The following CAST variants were observed in gnomAD, a reference collection of about 807,000 sequenced individuals.
The protein encoded by CAST is calpastatin, also known as MIR583 host.
Under a neutral mutation model 119.6 loss-of-function variants are expected in CAST, and 76 were observed. The ratio of observed to expected loss-of-function variants is 0.64; its 90% CI spans 0.53 to 0.77. CAST has a LOEUF of 0.77. Ranked by LOEUF, CAST falls within the 30% of genes least tolerant of loss-of-function variation. The pLI is 0.00. For synonymous variants in CAST, 319 were observed against 331.6 expected (o/e 0.96, Z 0.41); for missense variants, 953 against 946.5 (o/e 1.01, Z -0.09).
At chr5:96,408,368 G>A in the CAST span, 3 of 1,385,438 alleles carry the variant, frequency 2.2e-6, no homozygotes, top group African/African-American at 4.3e-5. Context: ...GAACACGTGA[G>A]GAGTGTGGGC....
At chr5:96,546,180 T>TG (rs985236246) in intron 1 of CAST, 1 of 152,282 alleles carries the variant, frequency 6.6e-6, no homozygotes, top group African/African-American at 2.4e-5. Context: ...GCCAACATAA[T>TG]GTGCAGACCC....
chr5:96,757,596 A>T lies in CAST; in HGVS notation c.1775A>T (p.Asp592Val). 6.2e-7 allele frequency: 1 copy of T among 1,613,378 alleles called. No individual in the cohort carries two copies. The highest frequency in any genetic ancestry group is 8.5e-7 in the Non-Finnish European group (1 of 1,179,754). ...TGGTTCTTGCAGCCCATGAGTGAAG[A>T]CTTCCTTCTGGATGCTTTGTCTGAG... ...SKEQLPPMSE[D>V]FLLDALSEDF... Residue 592 changes from aspartate (D) to valine (V), a missense_variant, in exon 24 of 32, where the codon GAC (aspartate) becomes GTC (valine). Physicochemically the swap from Asp to Val is radical, Grantham distance 152. Coordinates refer to ENST00000675179, the MANE Select transcript of CAST (RefSeq NM_001750.7).
chr5:95,997,963 GTTTTTTTTT>G, the CAST span, among the ~76,000 whole-genome samples: 3 of 93,656 alleles, frequency 3.2e-5, no homozygotes, highest in Non-Finnish European at 5.9e-5. Context: ...TTGAGAGAGG[GTTTTTTTTT>G]TTTTTTTTTT....
At chr5:96,718,109 G>A (rs1221182273) in intron 3 of CAST, among the ~76,000 whole-genome samples, 5 of 152,184 alleles carry the variant, frequency 3.3e-5, no homozygotes, top group African/African-American at 1.2e-4. Flanking sequence ...TTTCCTGAGA[G>A]CAGCTTCATG....
chr5:96,239,265 A>G, the CAST span, among the ~76,000 whole-genome samples: 1 of 152,166 alleles, frequency 6.6e-6, no homozygotes, highest in Non-Finnish European at 1.5e-5. Flanking sequence ...AGTACCTGGT[A>G]TAAAATAAGT....
the CAST span, among the ~76,000 whole-genome samples, chr5:96,034,400 T>A: frequency 1.2e-4 from 18 of 148,188 alleles, 1 homozygote; most frequent in South Asian, 3.9e-3. Flanking sequence ...AGTATGGAGG[T>A]TTCTCAAATT....
At chr5:96,621,515 C>G (rs1252656952) in intron 1 of CAST, among the ~76,000 whole-genome samples, 2 of 152,148 alleles carry the variant, frequency 1.3e-5, no homozygotes, top group Non-Finnish European at 2.9e-5. Flanking sequence ...CATATCGCAG[C>G]AGGAGAGAGA....
At chr5:96,681,720 G>A (rs1279128443) in intron 2 of CAST, among the ~76,000 whole-genome samples, 4 of 125,766 alleles carry the variant, frequency 3.2e-5, no homozygotes, top group Admixed American at 8.8e-5. Context: ...GCGACAGAGC[G>A]AGACTCCGTC....
intron 7 of CAST, 145 bp downstream of exon 7, chr5:96,729,354 A>G: frequency 4.8e-6 from 3 of 626,370 alleles, no homozygotes; most frequent in Non-Finnish European, 2.9e-6. Context: ...TCCTGTGGCA[A>G]TAGCAGTGTT....
chr5:96,397,420 A>G, the CAST span: 1 of 1,612,460 alleles, frequency 6.2e-7, no homozygotes. Flanking sequence ...TCTTAAAGCC[A>G]TTAGGAGATG....
At chr5:96,762,085 A>G (rs1768157102) in intron 24 of CAST, 189 bp from the exon 25 acceptor site, 1 of 413,076 alleles carries the variant, frequency 2.4e-6, no homozygotes, top group African/African-American at 2.1e-5. Context: ...GAAATAGCAA[A>G]TTGTATAAAA....
At chr5:96,408,297 G>A in the CAST span, 1 of 1,613,916 alleles carries the variant, frequency 6.2e-7, no homozygotes, top group African/African-American at 1.3e-5. Flanking sequence ...GCGTCTCCGT[G>A]CAGTCATTGT....
the CAST span, among the ~76,000 whole-genome samples, chr5:96,469,551 A>G: frequency 6.6e-6 from 1 of 152,056 alleles, no homozygotes; most frequent in African/African-American, 2.4e-5. Context: ...ATTATTCCTC[A>G]GGTTGTTGAC....
the CAST span, among the ~76,000 whole-genome samples, chr5:96,473,670 T>C: frequency 6.6e-6 from 1 of 152,204 alleles, no homozygotes; most frequent in African/African-American, 2.4e-5. Flanking sequence ...CCACACCTGG[T>C]AGGCTTCTCC....
At chr5:96,326,434 C>T in the CAST span, among the ~76,000 whole-genome samples, 2 of 152,096 alleles carry the variant, frequency 1.3e-5, no homozygotes, top group African/African-American at 4.8e-5. Context: ...TGAATGTTCT[C>T]CTCTTCTTTT....
At chr5:96,514,833 C>T in the CAST span, among the ~76,000 whole-genome samples, 1 of 152,146 alleles carries the variant, frequency 6.6e-6, no homozygotes, top group Non-Finnish European at 1.5e-5. Context: ...CTCACTGCAA[C>T]CTCCACCTCC....
chr5:96,363,318 G>T, the CAST span, among the ~76,000 whole-genome samples: 1 of 149,222 alleles, frequency 6.7e-6, no homozygotes, highest in South Asian at 2.1e-4. Context: ...GGCAATGTGG[G>T]CTCTTTTTTG....
chr5:96,268,695 CT>C, the CAST span, among the ~76,000 whole-genome samples: 1 of 152,114 alleles, frequency 6.6e-6, no homozygotes, highest in African/African-American at 2.4e-5. Context: ...CCACCTTCAT[CT>C]TTAAAGACCA....
chr5:96,443,988 T>C, the CAST span, among the ~76,000 whole-genome samples: 2 of 152,150 alleles, frequency 1.3e-5, no homozygotes, highest in Non-Finnish European at 2.9e-5. Flanking sequence ...TAATAACACA[T>C]AGAACCTCAA....
Sources: gnomAD v4.1 joint callset for allele counts (sites outside exome capture counted in the v4.1 genomes callset) on GRCh38, gnomAD v4.1.1 for gene constraint, MANE v1.5 for transcripts, NCBI Gene and HGNC (gene_info 2026-07-23, HGNC 2026-07-21) for gene names.